The following CRB1 variants were observed in gnomAD, a reference collection of about 807,000 sequenced individuals.
CRB1 encodes protein crumbs homolog 1.
Under a neutral mutation model 120.0 loss-of-function variants are expected in CRB1, and 83 were observed. That is an observed-to-expected ratio of 0.69 (90% CI 0.58 to 0.83). The LOEUF is 0.83. CRB1 is among the 40% of genes least tolerant of loss of function. The pLI, the probability that CRB1 is intolerant of heterozygous loss-of-function variation, is 0.00. For synonymous variants in CRB1, 625 were observed against 612.5 expected, an observed-to-expected ratio of 1.02 and a Z score of -0.30; for missense variants, 1,699 against 1,687.6, an observed-to-expected ratio of 1.01 and a Z score of -0.12.
intron 1 of CRB1, among the ~76,000 whole-genome samples, chr1:197,311,032 A>C (rs1468784549): frequency 6.6e-6 from 1 of 152,204 alleles, no homozygotes; most frequent in South Asian, 2.1e-4. Context: ...TAAACTTAAA[A>C]AGCTAAGCTA....
At chr1:197,321,840 T>C (rs1658214916) in intron 1 of CRB1, among the ~76,000 whole-genome samples, 1 of 152,190 alleles carries the variant, frequency 6.6e-6, no homozygotes, top group Non-Finnish European at 1.5e-5. Flanking sequence ...AAGTACACTT[T>C]GCATTGGACT....
At chr1:197,230,014 T>C in the CRB1 span, among the ~76,000 whole-genome samples, 1 of 152,218 alleles carries the variant, frequency 6.6e-6, no homozygotes, top group Admixed American at 6.5e-5. Context: ...GCATTTATAA[T>C]ATGTTCAGCA....
At position 197,419,190 on chromosome 1, in the gene CRB1, A is replaced by G. The variant is rs1391326015; in HGVS notation, c.1172-1810A>G. The stretch of plus-strand genomic sequence containing the variant: ...TGTGACCTGCTCACAATCAAGCAGC[A>G]TAGCTGGGGTTCTGATCCAACATTA... On this transcript the variant is annotated intron_variant, in intron 5 of 11. Transcript: ENST00000367400. Among the ~76,000 whole-genome samples the G allele has an allele frequency of 2.6e-5, 4 of 152,212 alleles. No individual in the cohort carries two copies. In the South Asian group the frequency reaches 6.2e-4, roughly 24 times the overall value.
At chr1:197,238,438 C>T in the CRB1 span, among the ~76,000 whole-genome samples, 3 of 151,856 alleles carry the variant, frequency 2.0e-5, no homozygotes, top group African/African-American at 7.3e-5. Flanking sequence ...TGCTTTTTTC[C>T]CTTTACATTT....
intron 11 of CRB1, 94 bp from the exon 12 acceptor site, chr1:197,477,570 C>G (rs755068486): frequency 8.8e-7 from 1 of 1,137,966 alleles, no homozygotes. Context: ...CCAGCTTGCT[C>G]TGGTTGGTCT....
At chr1:197,389,461 T>C (rs1662384512) in intron 5 of CRB1, among the ~76,000 whole-genome samples, 2 of 152,146 alleles carry the variant, frequency 1.3e-5, no homozygotes, top group African/African-American at 4.8e-5. Context: ...GATTTTATTA[T>C]TCCTTTTATA....
intron 5 of CRB1, among the ~76,000 whole-genome samples, chr1:197,367,173 G>A (rs1227962990): frequency 6.6e-6 from 1 of 152,106 alleles, no homozygotes; most frequent in Non-Finnish European, 1.5e-5. Flanking sequence ...GACCACCCTT[G>A]ACCACTACTA....
At chr1:197,282,893 C>T (rs530332096) in intron 1 of CRB1, among the ~76,000 whole-genome samples, 1 of 151,868 alleles carries the variant, frequency 6.6e-6, no homozygotes, top group Admixed American at 6.6e-5. Context: ...TATAAGTCCC[C>T]TCTCCTGGGT....
chr1:197,328,440 AC>A lies in CRB1; in HGVS notation c.90del (p.Asn30LysfsTer41). 1 of 1,613,780 alleles carries A rather than the reference AC, an allele frequency of 6.2e-7. No homozygotes were observed. Among genetic ancestry groups the A allele is most frequent in the Non-Finnish European group, 8.5e-7 (1 of 1,179,674 alleles). ...CTTGTAGATTCCTTTTGCAATAAAAACAACACCAGGTGCCTCTCAAATTCTT... is the reference window on the plus strand; with the variant it reads ...CTTGTAGATTCCTTTTGCAATAAAAAAACACCAGGTGCCTCTCAAATTCTT... ...IYIKNSFCNK[N>X]NTRCLSNSCQ... On this transcript the variant is annotated frameshift_variant, in exon 2 of 12. Transcript: ENST00000367400. LOFTEE classifies it high-confidence loss of function.
intron 11 of CRB1, among the ~76,000 whole-genome samples, chr1:197,470,082 A>C (rs1666916336): frequency 6.6e-6 from 1 of 152,206 alleles, no homozygotes; most frequent in Admixed American, 6.5e-5. Flanking sequence ...GTGTTGATAA[A>C]GTCAATAGCT....
intron 8 of CRB1, among the ~76,000 whole-genome samples, chr1:197,431,307 A>T (rs891711281): frequency 1.1e-4 from 16 of 152,142 alleles, no homozygotes; most frequent in Non-Finnish European, 1.5e-4. Context: ...GTTCTCTAGA[A>T]AAACGTATAT....
intron 11 of CRB1, among the ~76,000 whole-genome samples, chr1:197,461,135 C>T (rs750757988): frequency 6.6e-6 from 1 of 152,082 alleles, no homozygotes; most frequent in Non-Finnish European, 1.5e-5. Context: ...CACTTAATTA[C>T]CAATATAAAT....
intron 1 of CRB1, among the ~76,000 whole-genome samples, chr1:197,312,787 T>C (rs941645114): frequency 2.6e-5 from 4 of 152,202 alleles, no homozygotes; most frequent in African/African-American, 9.7e-5. Flanking sequence ...ATTAATCCCT[T>C]TCCACAATAT....
At chr1:197,438,724 A>G in intron 10 of CRB1, 49 bp downstream of exon 10, 1 of 1,604,184 alleles carries the variant, frequency 6.2e-7, no homozygotes, top group Non-Finnish European at 8.5e-7. Flanking sequence ...CTAAAGAATG[A>G]TGGGATTACT....
At chr1:197,419,574 G>A (rs1664180373) in intron 5 of CRB1, among the ~76,000 whole-genome samples, 2 of 152,014 alleles carry the variant, frequency 1.3e-5, no homozygotes, top group African/African-American at 4.8e-5. Flanking sequence ...TGTTGGCCAG[G>A]CTGATCTGAA....
intron 5 of CRB1, among the ~76,000 whole-genome samples, chr1:197,393,754 G>C (rs1019137178): frequency 4.6e-5 from 7 of 151,860 alleles, no homozygotes; most frequent in Non-Finnish European, 8.8e-5. Context: ...TCATCAACAA[G>C]AATAGAGTTT....
the CRB1 span, among the ~76,000 whole-genome samples, chr1:197,237,083 G>A: frequency 6.6e-6 from 1 of 151,792 alleles, no homozygotes; most frequent in Non-Finnish European, 1.5e-5. Flanking sequence ...GGCAGACATT[G>A]TAGAGAGTTT....
chr1:197,473,043 T>C (rs1340802496), intron 11 of CRB1, among the ~76,000 whole-genome samples: 1 of 152,176 alleles, frequency 6.6e-6, no homozygotes, highest in Non-Finnish European at 1.5e-5. Flanking sequence ...TGTGGGAAAA[T>C]GGTATATGAG....
At chr1:197,394,472 C>A (rs1662672754) in intron 5 of CRB1, among the ~76,000 whole-genome samples, 1 of 151,886 alleles carries the variant, frequency 6.6e-6, no homozygotes, top group South Asian at 2.1e-4. Flanking sequence ...GCATCCCAGC[C>A]CCCATGATGT....
Sources: gnomAD v4.1 joint callset for allele counts (sites outside exome capture counted in the v4.1 genomes callset) on GRCh38, gnomAD v4.1.1 for gene constraint, MANE v1.5 for transcripts, NCBI Gene and HGNC (gene_info 2026-07-23, HGNC 2026-07-21) for gene names.